Variants in NCOA1 observed in about 807,000 individuals in gnomAD.
NCOA1 encodes the protein Hin-2 protein.
Under a neutral mutation model 150.9 loss-of-function variants are expected in NCOA1, and 35 were observed. That is an observed-to-expected ratio of 0.23 (90% confidence interval 0.18 to 0.31). The LOEUF is 0.31. NCOA1 is among the 10% of genes least tolerant of loss of function. The probability of loss-of-function intolerance (pLI) is 1.00; values close to 1 mark genes in which losing one functional copy is unlikely to be tolerated. For synonymous variants in NCOA1, 590 were observed against 630.0 expected, an observed-to-expected ratio of 0.94 and a Z score of 0.95; for missense variants, 1,491 against 1,749.3, an observed-to-expected ratio of 0.85 and a Z score of 2.63.
At chr2:24,502,946 A>T (rs1199494068) in intron 1 of NCOA1, among the ~76,000 whole-genome samples, 2 of 152,066 alleles carry the variant, frequency 1.3e-5, no homozygotes, top group African/African-American at 4.8e-5. Context: ...ACCTTATGAA[A>T]TTTTTTGTTT....
At chr2:24,766,166 C>G (rs995140709) in intron 22 of NCOA1, among the ~76,000 whole-genome samples, 23 of 152,146 alleles carry the variant, frequency 1.5e-4, no homozygotes, top group Non-Finnish European at 2.4e-4. Flanking sequence ...TCCCAAAGTG[C>G]TAGAATTAGA....
At position 24,711,037 on chromosome 2, in the gene NCOA1, G is replaced by A. The variant is rs1474435969; in HGVS notation, c.2525G>A (p.Ser842Asn). The change falls in exon 14 of 23, where the codon AGT becomes AAT. Residue 842 changes from serine (S) to asparagine (N), a missense_variant. Ser to Asn is a conservative substitution (Grantham distance 46). Coordinates refer to ENST00000348332, the MANE Select transcript of NCOA1 (RefSeq NM_003743.5). The stretch of plus-strand genomic sequence containing the variant: ...GACAGGATGGATGGTGCGGTCACCA[G>A]TGTAACCATCAAATCGGAGATCCTG... ...ETDRMDGAVT[S>N]VTIKSEILPA... The A allele has an allele frequency of 2.5e-6, 4 of 1,614,190 alleles. No individual in the cohort carries two copies. The highest frequency in any genetic ancestry group is 2.2e-5 in the East Asian group (1 of 44,884).
At chr2:24,520,190 A>AT (rs1309184952) in intron 1 of NCOA1, among the ~76,000 whole-genome samples, 2 of 151,644 alleles carry the variant, frequency 1.3e-5, no homozygotes, top group Admixed American at 6.6e-5. Flanking sequence ...TAGCTTGACA[A>AT]TTTTTTTTTA....
Position 24,694,430 on chromosome 2 carries a change from T to C in NCOA1, c.808+1083T>C, listed in dbSNP as rs904579616. Among the ~76,000 whole-genome samples, 16 of 152,328 alleles carry C rather than the reference T, an allele frequency of 1.1e-4. No individual in the cohort carries two copies. In the South Asian group the frequency reaches 3.3e-3, roughly 32 times the overall value. ...CTGAATTTTATGCTTTGTGAAAGTT[T>C]AGTTTTAGTGTACATTTTGACTTTT... On this transcript the variant is annotated intron_variant, in intron 10 of 22. Coordinates refer to ENST00000348332, the MANE Select transcript of NCOA1 (RefSeq NM_003743.5).
chr2:24,747,834 C>T (rs955003641), intron 19 of NCOA1, among the ~76,000 whole-genome samples: 16 of 152,164 alleles, frequency 1.1e-4, no homozygotes, highest in Middle Eastern at 6.8e-3. Context: ...ATGCTGGGCA[C>T]AGTGGTTCAT....
intron 1 of NCOA1, among the ~76,000 whole-genome samples, chr2:24,511,399 T>C (rs62140843): frequency 0.24 from 36,854 of 152,076 alleles, 4,702 homozygotes; most frequent in East Asian, 0.31. Flanking sequence ...CCAGCAGCAG[T>C]GTATGAGGGT....
intron 3 of NCOA1, among the ~76,000 whole-genome samples, chr2:24,608,947 C>T (rs1335376773): frequency 6.6e-6 from 1 of 151,932 alleles, no homozygotes; most frequent in Non-Finnish European, 1.5e-5. Flanking sequence ...GAGGAAAGGC[C>T]CTTCTCATCA....
chr2:24,730,244 G>A (rs1662934992), intron 17 of NCOA1, among the ~76,000 whole-genome samples: 1 of 152,280 alleles, frequency 6.6e-6, no homozygotes, highest in South Asian at 2.1e-4. Context: ...TTTCATGAAA[G>A]ACTTGAAGAG....
intron 4 of NCOA1, among the ~76,000 whole-genome samples, chr2:24,650,174 C>G (rs1046094210): frequency 2.0e-5 from 3 of 152,016 alleles, no homozygotes; most frequent in Admixed American, 2.0e-4. Flanking sequence ...TTCTCTGGGC[C>G]AAGGATAACT....
intron 21 of NCOA1, among the ~76,000 whole-genome samples, chr2:24,760,142 T>C (rs1250820422): frequency 6.7e-6 from 1 of 149,804 alleles, no homozygotes; most frequent in African/African-American, 2.4e-5. Flanking sequence ...TTTTTTTTTT[T>C]CTTTTTTTTT....
At chr2:24,735,191 C>G (rs1262834414) in intron 17 of NCOA1, among the ~76,000 whole-genome samples, 2 of 152,090 alleles carry the variant, frequency 1.3e-5, no homozygotes, top group Admixed American at 6.5e-5. Context: ...ACAAAAGACA[C>G]CATAAGCAAG....
chr2:24,534,159 G>T (rs1334716741), intron 1 of NCOA1, among the ~76,000 whole-genome samples: 1 of 152,182 alleles, frequency 6.6e-6, no homozygotes, highest in South Asian at 2.1e-4. Flanking sequence ...ACTTCTTCCT[G>T]GTTTAGTCTT....
intron 3 of NCOA1, among the ~76,000 whole-genome samples, chr2:24,598,400 GAATGGAAAAAA>G (rs1266500668): frequency 6.6e-6 from 1 of 151,784 alleles, no homozygotes; most frequent in Non-Finnish European, 1.5e-5. Flanking sequence ...TTTAAGGGCA[GAATGGAAAAAA>G]AATGAAAGCA....
chr2:24,597,107 T>C (rs1163560401), intron 3 of NCOA1, among the ~76,000 whole-genome samples: 1 of 152,106 alleles, frequency 6.6e-6, no homozygotes, highest in East Asian at 1.9e-4. Context: ...CAATATGTGA[T>C]CAACAGTGTT....
chr2:24,637,282 T>G (rs551935496), intron 3 of NCOA1, among the ~76,000 whole-genome samples: 11 of 136,768 alleles, frequency 8.0e-5, no homozygotes, highest in African/African-American at 2.5e-4. Flanking sequence ...CCTTCCTGTG[T>G]CCACGTGTCA....
At chr2:24,695,951 T>G (rs56376757) in intron 10 of NCOA1, among the ~76,000 whole-genome samples, 1 of 152,176 alleles carries the variant, frequency 6.6e-6, no homozygotes, top group Non-Finnish European at 1.5e-5. Flanking sequence ...AGGAGCATTA[T>G]TGTATAGGAA....
chr2:24,693,674 T>C (rs1672771020), intron 10 of NCOA1, among the ~76,000 whole-genome samples: 1 of 152,216 alleles, frequency 6.6e-6, no homozygotes, highest in Admixed American at 6.5e-5. Flanking sequence ...TACATACATT[T>C]ATTTAAATAG....
At chr2:24,750,262 A>G (rs1558338188) in intron 19 of NCOA1, among the ~76,000 whole-genome samples, 1 of 152,230 alleles carries the variant, frequency 6.6e-6, no homozygotes, top group Non-Finnish European at 1.5e-5. Flanking sequence ...CCTAAAATGT[A>G]TATGAAAATG....
At chr2:24,550,725 C>T (rs1044140791) in intron 1 of NCOA1, among the ~76,000 whole-genome samples, 6 of 152,204 alleles carry the variant, frequency 3.9e-5, no homozygotes, top group Non-Finnish European at 8.8e-5. Flanking sequence ...GGGAAGGGAG[C>T]TGGATGATTG....
Sources: allele counts gnomAD v4.1 joint callset (sites outside exome capture counted in the v4.1 genomes callset), GRCh38; gene constraint gnomAD v4.1.1; transcripts MANE v1.5; gene names NCBI Gene and HGNC (gene_info 2026-07-23, HGNC 2026-07-21).